Variants in KIF20B observed in about 807,000 individuals in gnomAD.
The protein encoded by KIF20B is kinesin family member 20B, also known as kinesin-like protein KIF20B.
Under a neutral mutation model 232.5 loss-of-function variants are expected in KIF20B, and 188 were observed. The observed-to-expected ratio is 0.81, with a 90% CI of 0.72 to 0.91. The LOEUF (loss-of-function observed/expected upper bound fraction) is 0.91. Among genes scored for constraint, KIF20B ranks in the 40% least tolerant of loss-of-function variants. The pLI, the probability that KIF20B is intolerant of heterozygous loss-of-function variation, is 0.00. For missense variants in KIF20B, 2,154 were observed against 2,055.9 expected, an observed-to-expected ratio of 1.05 and a Z score of -0.92; for synonymous variants, 712 against 683.0, an observed-to-expected ratio of 1.04 and a Z score of -0.66.
At chr10:89,710,903 T>G (rs7089473) in intron 5 of KIF20B, 58 bp from the exon 6 acceptor site, 363,253 of 1,395,420 alleles carry the variant, frequency 0.26, 51,046 homozygotes, top group African/African-American at 0.47. Context: ...AATAAACAAG[T>G]AAAGTTTCCT....
chr10:89,709,829 G>A, intron 4 of KIF20B, 98 bp from the exon 5 acceptor site: 1 of 953,524 alleles, frequency 1.0e-6, no homozygotes, highest in Non-Finnish European at 1.4e-6. Flanking sequence ...TTTTAAGAAT[G>A]AATCTTTTAA....
At chr10:89,749,575 A>G (rs1173006705) in intron 23 of KIF20B, among the ~76,000 whole-genome samples, 1 of 152,022 alleles carries the variant, frequency 6.6e-6, no homozygotes, top group African/African-American at 2.4e-5. Context: ...CATTCACCCC[A>G]TCCCTCCAGC....
chr10:89,739,283 A>G (rs1348899010), intron 21 of KIF20B, among the ~76,000 whole-genome samples, 187 bp downstream of exon 21: 1 of 152,204 alleles, frequency 6.6e-6, no homozygotes, highest in Non-Finnish European at 1.5e-5. Flanking sequence ...AGAATGTCCA[A>G]CATTAAGAGA....
intron 23 of KIF20B, among the ~76,000 whole-genome samples, chr10:89,750,983 G>A (rs984181478): frequency 3.3e-5 from 5 of 152,068 alleles, no homozygotes; most frequent in African/African-American, 1.2e-4. Context: ...TAAGTATTTT[G>A]CCAAATAATG....
In KIF20B at chr10:89,716,506, G is replaced by T; in HGVS notation, c.1011G>T (p.Gln337His). Residue 337 changes from glutamine (Q) to histidine (H), a missense_variant, in exon 9 of 33, where the codon CAG (glutamine) becomes CAT (histidine). Physicochemically the swap from Gln to His is conservative, Grantham distance 24. Transcript: ENST00000371728. The stretch of plus-strand genomic sequence containing the variant: ...TTTTAAAACTAGGAATAAAGCACCA[G>T]AGTGTTGCCTTCACAAAATTGAATA... ...YRLLKLGIKH[Q>H]SVAFTKLNNA... The T allele has an allele frequency of 1.3e-6, 2 of 1,594,106 alleles. No individual in the cohort carries two copies. The highest frequency in any genetic ancestry group is 1.1e-5 in the South Asian group (1 of 88,628).
chr10:89,762,841 T>C lies in KIF20B; in HGVS notation c.4989+6T>C, dbSNP rs1842274713. 6.3e-7 allele frequency: 1 copy of C among 1,579,702 alleles called. No homozygotes were observed. The highest frequency in any genetic ancestry group is 1.1e-5 in the South Asian group (1 of 90,142). ...AGAGTAATGAAATGGAGGAGGTAAA[T>C]ACTTAAGTGATGAGTAAATTTAATG... On this transcript the variant is annotated splice_donor_region_variant and intron_variant, in intron 29 of 32. Coordinates refer to ENST00000371728, the MANE Select transcript of KIF20B (RefSeq NM_001284259.2).
intron 26 of KIF20B, among the ~76,000 whole-genome samples, chr10:89,757,038 G>GTATA (rs1286710895): frequency 3.4e-4 from 27 of 79,076 alleles, no homozygotes; most frequent in African/African-American, 9.9e-4. Flanking sequence ...GTGTGTGTGT[G>GTATA]TGTATATATA....
chr10:89,725,356 T>TTATACCTC (rs947753732), intron 15 of KIF20B, among the ~76,000 whole-genome samples, 198 bp downstream of exon 15: 1 of 146,902 alleles, frequency 6.8e-6, no homozygotes, highest in African/African-American at 2.5e-5. Context: ...TTTGAAAAAT[T>TTATACCTC]TATACCTCTG....
intron 23 of KIF20B, 82 bp downstream of exon 23, chr10:89,746,041 T>G: frequency 1.0e-6 from 1 of 987,442 alleles, no homozygotes; most frequent in Non-Finnish European, 1.6e-6. Flanking sequence ...TATGACTTGC[T>G]TCATTGGTGC....
intron 25 of KIF20B, among the ~76,000 whole-genome samples, chr10:89,753,405 T>C (rs1313250418): frequency 6.6e-6 from 1 of 152,200 alleles, no homozygotes; most frequent in African/African-American, 2.4e-5. Context: ...ATATTATATA[T>C]TCTAGAATTT....
intron 2 of KIF20B, among the ~76,000 whole-genome samples, chr10:89,706,012 G>C (rs1410358530): frequency 2.0e-5 from 3 of 152,074 alleles, no homozygotes; most frequent in African/African-American, 7.2e-5. Context: ...TTGTGAACTT[G>C]TGTTTTCATT....
chr10:89,715,244 C>A, intron 8 of KIF20B, 62 bp downstream of exon 8: 1 of 993,782 alleles, frequency 1.0e-6, no homozygotes, highest in Admixed American at 2.4e-5. Context: ...TTTGTGATAG[C>A]TGTAAGACTA....
intron 30 of KIF20B, 75 bp downstream of exon 30, chr10:89,768,466 C>A: frequency 1.1e-6 from 1 of 907,742 alleles, no homozygotes; most frequent in Non-Finnish European, 1.7e-6. Flanking sequence ...ACTCATTTAT[C>A]TTCTCTTTCC....
intron 27 of KIF20B, among the ~76,000 whole-genome samples, chr10:89,760,280 T>A (rs1842210962): frequency 1.3e-5 from 2 of 152,154 alleles, no homozygotes; most frequent in African/African-American, 4.8e-5. Context: ...ACTTGGAAGT[T>A]GCAAGCAGTC....
intron 1 of KIF20B, among the ~76,000 whole-genome samples, chr10:89,702,010 T>G (rs1362763174): frequency 2.6e-5 from 4 of 152,208 alleles, no homozygotes; most frequent in Non-Finnish European, 4.4e-5. Context: ...TCTTTCGGCT[T>G]TTGTGAAGAT....
chr10:89,767,297 C>T (rs1157188020), intron 29 of KIF20B, among the ~76,000 whole-genome samples: 9 of 151,566 alleles, frequency 5.9e-5, no homozygotes. Flanking sequence ...CTGTCACCTA[C>T]ATTAGGTATT....
At chr10:89,761,923 A>G (rs549802821) in intron 28 of KIF20B, among the ~76,000 whole-genome samples, 1 of 152,166 alleles carries the variant, frequency 6.6e-6, no homozygotes, top group Admixed American at 6.6e-5. Context: ...TTGTTAGGCT[A>G]TTTTGTATGT....
chr10:89,724,159 G>GT (rs201777411), intron 14 of KIF20B, 56 bp downstream of exon 14: 122,318 of 925,646 alleles, frequency 0.13, 506 homozygotes, highest in East Asian at 0.27. Flanking sequence ...TAGTTTTTTA[G>GT]TTTTTTTTTT....
chr10:89,759,477 C>A (rs568916589), intron 27 of KIF20B, among the ~76,000 whole-genome samples: 7 of 152,134 alleles, frequency 4.6e-5, no homozygotes, highest in Admixed American at 4.6e-4. Context: ...AAATCTTCTG[C>A]TTTAAAGCCT....
Sources: allele counts gnomAD v4.1 joint callset (sites outside exome capture counted in the v4.1 genomes callset), GRCh38; gene constraint gnomAD v4.1.1; transcripts MANE v1.5; gene names NCBI Gene and HGNC (gene_info 2026-07-23, HGNC 2026-07-21).